Variants in AGXT2 observed in about 807,000 individuals in gnomAD.
The protein encoded by AGXT2 is alanine--glyoxylate aminotransferase 2, mitochondrial.
In AGXT2, 61 loss-of-function variants were observed where a neutral mutation model predicts 62.5. The observed-to-expected ratio is 0.98, with a 90% confidence interval of 0.79 to 1.21. The LOEUF (loss-of-function observed/expected upper bound fraction) is 1.21, where lower values mean the gene tolerates loss of function less well. Among genes scored for constraint, AGXT2 ranks in the 50% most tolerant of loss-of-function variants. The pLI is 0.00. For missense variants in AGXT2, 666 were observed against 641.5 expected, an observed-to-expected ratio of 1.04 and a Z score of -0.41; for synonymous variants, 243 against 218.7, an observed-to-expected ratio of 1.11 and a Z score of -0.98.
intron 6 of AGXT2, 59 bp from the exon 7 acceptor site, chr5:35,032,884 G>A: frequency 7.3e-7 from 1 of 1,370,864 alleles, no homozygotes; most frequent in Non-Finnish European, 1.0e-6. Context: ...CCAAGTTAGG[G>A]TAGCATATGG....
chr5:35,031,384 C>T (rs967376449), intron 7 of AGXT2, among the ~76,000 whole-genome samples: 50 of 152,136 alleles, frequency 3.3e-4, no homozygotes, highest in African/African-American at 1.0e-3. Context: ...ATTATGTCAT[C>T]TGAATTTTAA....
At chr5:35,019,936 T>C (rs936308718) in intron 9 of AGXT2, among the ~76,000 whole-genome samples, 6 of 152,202 alleles carry the variant, frequency 3.9e-5, no homozygotes, top group African/African-American at 1.4e-4. Flanking sequence ...CAGAGAATAC[T>C]ACAACCACCT....
chr5:35,025,649 T>G (rs1283806167), intron 9 of AGXT2, 114 bp downstream of exon 9: 2 of 1,078,616 alleles, frequency 1.9e-6, no homozygotes, highest in Admixed American at 3.9e-5. Flanking sequence ...AGGCAAACTT[T>G]GGAATTCACA....
At chr5:35,036,846 C>G in intron 4 of AGXT2, 96 bp downstream of exon 4, 3 of 1,586,000 alleles carry the variant, frequency 1.9e-6, no homozygotes, top group Non-Finnish European at 2.6e-6. Context: ...AGGGACGCTC[C>G]CCTAGAATCA....
In AGXT2 at chr5:35,012,950, C is replaced by T. The variant is rs1162964282; in HGVS notation, c.1188+4G>A. On this transcript the variant is annotated splice_donor_region_variant and intron_variant, in intron 11 of 13. Transcript: ENST00000231420. ...GTGAGGTTAATGTGGCCGCTGGAAC[C>T]AACCTCAAGCACAGCAGATCCAATG... 6.4e-7 allele frequency: 1 copy of T among 1,551,602 alleles called. No individual in the cohort carries two copies. The highest frequency in any genetic ancestry group is 1.2e-5 in the South Asian group (1 of 84,050).
At chr5:35,031,800 T>G (rs916395992) in intron 7 of AGXT2, among the ~76,000 whole-genome samples, 1 of 152,166 alleles carries the variant, frequency 6.6e-6, no homozygotes, top group Non-Finnish European at 1.5e-5. Context: ...GGAGAACTTT[T>G]TGACTGGAGT....
At chr5:35,012,630 A>T in intron 11 of AGXT2, 1 of 342,838 alleles carries the variant, frequency 2.9e-6, no homozygotes, top group Non-Finnish European at 5.6e-6. Context: ...GCCAACATGA[A>T]ACTAAATACA....
chr5:35,040,511 C>T, intron 2 of AGXT2, 64 bp downstream of exon 2: 4 of 1,459,754 alleles, frequency 2.7e-6, no homozygotes, highest in Middle Eastern at 1.7e-4. Context: ...CTTAAGGAAA[C>T]AATCATTTGA....
intron 9 of AGXT2, among the ~76,000 whole-genome samples, chr5:35,014,789 A>G (rs963263424): frequency 6.6e-6 from 1 of 152,204 alleles, no homozygotes; most frequent in Non-Finnish European, 1.5e-5. Flanking sequence ...TCCTCTGTGT[A>G]AGAAAGCAGG....
chr5:35,020,919 T>C (rs1767050912), intron 9 of AGXT2, among the ~76,000 whole-genome samples: 1 of 152,166 alleles, frequency 6.6e-6, no homozygotes. Context: ...AGCATTCTTA[T>C]ACACCAATAA....
intron 8 of AGXT2, 190 bp from the exon 9 acceptor site, chr5:35,026,045 A>C: frequency 1.6e-6 from 1 of 630,024 alleles, no homozygotes. Flanking sequence ...TTCTGGAAAA[A>C]AGATGCAAAC....
intron 11 of AGXT2, among the ~76,000 whole-genome samples, chr5:35,010,705 T>G (rs1464113247): frequency 2.6e-5 from 4 of 151,918 alleles, no homozygotes; most frequent in Non-Finnish European, 5.9e-5. Flanking sequence ...CAAAAAAGAA[T>G]TTAGGAAAGA....
At position 34,998,629 on chromosome 5, in the gene AGXT2, G is replaced by T; in HGVS notation, c.*90C>A. On this transcript the variant is annotated 3_prime_UTR_variant, in exon 14 of 14. Transcript: ENST00000231420. Reference sequence around the variant, plus strand: ...TGTGGAGAGCTGCAGGCTTTCTCTGGATACCAGTGGTTCTGAAATTCTTCA... The same window carrying T: ...TGTGGAGAGCTGCAGGCTTTCTCTGTATACCAGTGGTTCTGAAATTCTTCA... The T allele has an allele frequency of 9.7e-7, 1 of 1,035,042 alleles. No individual in the cohort carries two copies. Among genetic ancestry groups the T allele is most frequent in the Non-Finnish European group, 1.5e-6 (1 of 675,932 alleles). 64.1% of individuals were successfully genotyped at this position (1,035,042 alleles called of 1,614,324 possible).
intron 1 of AGXT2, among the ~76,000 whole-genome samples, chr5:35,044,967 A>AC (rs1322992091): frequency 1.3e-5 from 2 of 152,102 alleles, no homozygotes; most frequent in Non-Finnish European, 2.9e-5. Flanking sequence ...GAAATAGATG[A>AC]CTTTTTGTGC....
chr5:35,017,232 T>A (rs1766876137), intron 9 of AGXT2, among the ~76,000 whole-genome samples: 1 of 152,138 alleles, frequency 6.6e-6, no homozygotes, highest in Non-Finnish European at 1.5e-5. Context: ...GTCATGTGGT[T>A]TTGGGAGCCT....
At chr5:35,021,663 G>A (rs1315579860) in intron 9 of AGXT2, among the ~76,000 whole-genome samples, 3 of 152,082 alleles carry the variant, frequency 2.0e-5, no homozygotes, top group Non-Finnish European at 4.4e-5. Flanking sequence ...ACAGGCATGG[G>A]CAAGGACTTC....
intron 9 of AGXT2, among the ~76,000 whole-genome samples, chr5:35,014,993 A>C (rs1766798695): frequency 6.6e-6 from 1 of 152,142 alleles, no homozygotes; most frequent in African/African-American, 2.4e-5. Flanking sequence ...GAACTCCTCT[A>C]ATTTAGGAAT....
At chr5:35,013,112 A>T in intron 10 of AGXT2, 67 bp from the exon 11 acceptor site, 1 of 1,364,298 alleles carries the variant, frequency 7.3e-7, no homozygotes, top group Non-Finnish European at 1.0e-6. Context: ...TCATCGCGCC[A>T]TTTGGACTAC....
At chr5:35,024,295 G>A (rs1236282164) in intron 9 of AGXT2, among the ~76,000 whole-genome samples, 4 of 152,108 alleles carry the variant, frequency 2.6e-5, no homozygotes, top group African/African-American at 9.7e-5. Context: ...GTCCTTGGCT[G>A]GTCTAACCAC....
Sources: allele counts gnomAD v4.1 joint callset (sites outside exome capture counted in the v4.1 genomes callset), GRCh38; gene constraint gnomAD v4.1.1; transcripts MANE v1.5; gene names NCBI Gene and HGNC (gene_info 2026-07-23, HGNC 2026-07-21).